The following ADAMTS17 variants were observed in gnomAD, a reference collection of about 807,000 sequenced individuals.
The protein encoded by ADAMTS17 is ADAM metallopeptidase with thrombospondin type 1 motif 17.
In ADAMTS17, 113 loss-of-function variants were observed where a neutral mutation model predicts 141.5. That is an observed-to-expected ratio of 0.80 (90% CI 0.69 to 0.93). The LOEUF (loss-of-function observed/expected upper bound fraction) is 0.93, where lower values mean the gene tolerates loss of function less well. ADAMTS17 is among the 40% of genes least tolerant of loss of function. ADAMTS17 has a pLI of 0.00. For synonymous variants in ADAMTS17, 768 were observed against 630.6 expected (o/e 1.22, Z -3.27); for missense variants, 1,659 against 1,517.9 (o/e 1.09, Z -1.54).
chr15:100,161,553 T>G (rs2039693816), intron 8 of ADAMTS17, among the ~76,000 whole-genome samples: 1 of 152,218 alleles, frequency 6.6e-6, no homozygotes, highest in African/African-American at 2.4e-5. Context: ...CTTATTGACT[T>G]TGCAGTAACT....
At chr15:100,014,689 T>C (rs947107483) in intron 18 of ADAMTS17, among the ~76,000 whole-genome samples, 5 of 152,208 alleles carry the variant, frequency 3.3e-5, no homozygotes, top group Non-Finnish European at 4.4e-5. Context: ...CTTTTGGAGT[T>C]GATTTCCAGT....
chr15:100,265,449 C>T (rs930033289), intron 4 of ADAMTS17, among the ~76,000 whole-genome samples: 7 of 152,342 alleles, frequency 4.6e-5, no homozygotes, highest in Non-Finnish European at 8.8e-5. Context: ...GCTCTGGCGG[C>T]ATCCCAGCAA....
intron 20 of ADAMTS17, chr15:99,978,922 T>A (rs1271395198): frequency 6.6e-6 from 1 of 152,212 alleles, no homozygotes; most frequent in Non-Finnish European, 1.5e-5. Context: ...TCCTCTCAGG[T>A]CCCTGTGGAG....
At chr15:100,007,905 T>C (rs1014469423) in intron 18 of ADAMTS17, among the ~76,000 whole-genome samples, 1 of 151,476 alleles carries the variant, frequency 6.6e-6, no homozygotes, top group African/African-American at 2.4e-5. Context: ...GAAGACAGCT[T>C]GGAGGGCAGG....
chr15:100,215,221 G>A (rs1478441926), intron 7 of ADAMTS17, among the ~76,000 whole-genome samples: 1 of 152,224 alleles, frequency 6.6e-6, no homozygotes, highest in Non-Finnish European at 1.5e-5. Context: ...CCAGAAGTTG[G>A]TGAAGCAAAC....
chr15:99,973,874 T>A lies in ADAMTS17; in HGVS notation c.*528A>T. The A allele has an allele frequency of 9.8e-6, 2 of 204,998 alleles. No individual in the cohort carries two copies. The highest frequency in any genetic ancestry group is 2.0e-5 in the Non-Finnish European group (2 of 100,114). 12.7% of individuals were successfully genotyped at this position (204,998 alleles called of 1,614,324 possible). A position where few individuals can be genotyped will look rare whatever the true frequency, so the allele number is the denominator to read the frequency against. ...TGGAGGCAACGTCCTGGTTCTCATG[T>A]GGTCAAGAAGGTAGATGGAGAGAAA... On this transcript the variant is annotated 3_prime_UTR_variant, in exon 22 of 22. Transcript: ENST00000268070.
intron 18 of ADAMTS17, among the ~76,000 whole-genome samples, chr15:100,032,329 C>T (rs2030258239): frequency 6.6e-6 from 1 of 152,150 alleles, no homozygotes; most frequent in African/African-American, 2.4e-5. Flanking sequence ...CCCAAATCTC[C>T]CCAGGTCTCC....
chr15:100,016,870 G>T (rs1019544309), intron 18 of ADAMTS17, among the ~76,000 whole-genome samples: 1 of 152,214 alleles, frequency 6.6e-6, no homozygotes, highest in African/African-American at 2.4e-5. Context: ...GCTTTCCAGA[G>T]AGCACCAGCT....
At chr15:100,153,233 G>A (rs749191897) in intron 9 of ADAMTS17, among the ~76,000 whole-genome samples, 11 of 152,106 alleles carry the variant, frequency 7.2e-5, no homozygotes, top group East Asian at 1.9e-4. Flanking sequence ...GTGGGACCTC[G>A]GTGTCTCACT....
rs568988746 is a variant in ADAMTS17 at position 100,340,413 on chromosome 15, G to C, written c.450+626C>G. Among the ~76,000 whole-genome samples, 7 of 152,308 alleles carry C rather than the reference G, an allele frequency of 4.6e-5. No individual in the cohort carries two copies. The East Asian group carries it at 1.2e-3, about 25-fold the overall frequency. On this transcript the variant is annotated intron_variant, in intron 2 of 21. Coordinates refer to ENST00000268070, the MANE Select transcript of ADAMTS17 (RefSeq NM_139057.4). ...TGTAAACACCCCTCAGGCCTGGTTGGGGGTGGGCACCAGATAAATGCCTAC... is the reference window on the plus strand; with the variant it reads ...TGTAAACACCCCTCAGGCCTGGTTGCGGGTGGGCACCAGATAAATGCCTAC...
chr15:100,035,487 T>C (rs1435448882), intron 18 of ADAMTS17, among the ~76,000 whole-genome samples: 1 of 152,240 alleles, frequency 6.6e-6, no homozygotes, highest in African/African-American at 2.4e-5. Flanking sequence ...GTGTAATGTT[T>C]GCTCATTCTT....
At chr15:100,154,376 G>C (rs540924843) in intron 9 of ADAMTS17, among the ~76,000 whole-genome samples, 3 of 152,204 alleles carry the variant, frequency 2.0e-5, no homozygotes, top group Non-Finnish European at 4.4e-5. Context: ...AACAAGGAAC[G>C]TCATGAAAAA....
At chr15:100,112,193 A>C (rs1264477908) in intron 13 of ADAMTS17, among the ~76,000 whole-genome samples, 1 of 152,206 alleles carries the variant, frequency 6.6e-6, no homozygotes, top group Non-Finnish European at 1.5e-5. Flanking sequence ...GCAAAGCAGG[A>C]AGGCCAACCT....
intron 12 of ADAMTS17, among the ~76,000 whole-genome samples, chr15:100,122,610 C>G (rs2037506507): frequency 6.6e-6 from 1 of 152,110 alleles, no homozygotes; most frequent in African/African-American, 2.4e-5. Flanking sequence ...CTATTAATAG[C>G]CTATTATCAA....
At chr15:99,977,400 A>ATATATATAT (rs1491361858) in intron 20 of ADAMTS17, among the ~76,000 whole-genome samples, 11 of 4,746 alleles carry the variant, frequency 2.3e-3, no homozygotes, top group African/African-American at 3.7e-3. Flanking sequence ...ATATATATAT[A>ATATATATAT]ATTTTTTTTT....
chr15:100,234,478 T>G (rs560406865), intron 7 of ADAMTS17, among the ~76,000 whole-genome samples: 6 of 152,202 alleles, frequency 3.9e-5, no homozygotes, highest in Non-Finnish European at 8.8e-5. Context: ...TCTTGCACTC[T>G]GTGACCTGTC....
intron 3 of ADAMTS17, among the ~76,000 whole-genome samples, chr15:100,285,715 C>T (rs918745858): frequency 2.2e-4 from 34 of 152,140 alleles, no homozygotes; most frequent in African/African-American, 7.7e-4. Context: ...ATGCTTGAGC[C>T]GGCAGGGAGA....
chr15:100,340,187 A>G lies in ADAMTS17; in HGVS notation c.450+852T>C, dbSNP rs553428422. Reference sequence around the variant, plus strand: ...TGCGGCTTTCGGGGCACGATGGAGAAGCTGAGTGCTCGTCTGGGCGCCAGT... The same window carrying G: ...TGCGGCTTTCGGGGCACGATGGAGAGGCTGAGTGCTCGTCTGGGCGCCAGT... On this transcript the variant is annotated intron_variant, in intron 2 of 21. Transcript: ENST00000268070. 1.9e-4 allele frequency among the ~76,000 whole-genome samples: 29 copies of G among 152,328 alleles called. No homozygotes were observed. The South Asian group carries it at 6.0e-3, about 32-fold the overall frequency.
At chr15:100,208,066 G>T (rs1283958028) in intron 7 of ADAMTS17, among the ~76,000 whole-genome samples, 1 of 152,208 alleles carries the variant, frequency 6.6e-6, no homozygotes. Context: ...TCCAGGGGAA[G>T]GTGGGATGGG....
Sources: allele counts gnomAD v4.1 joint callset (sites outside exome capture counted in the v4.1 genomes callset), GRCh38; gene constraint gnomAD v4.1.1; transcripts MANE v1.5; gene names NCBI Gene and HGNC (gene_info 2026-07-23, HGNC 2026-07-21).